The following GSTT4 variants were observed in gnomAD, a reference collection of about 807,000 sequenced individuals.
GSTT4 encodes glutathione S-transferase theta 4.
the GSTT4 span, among the ~76,000 whole-genome samples, chr22:23,991,925 C>A: frequency 5.5e-5 from 8 of 145,176 alleles, no homozygotes; most frequent in African/African-American, 1.5e-4. Flanking sequence ...GGGTGGCGGG[C>A]GCCTGTAGTC....
At chr22:23,997,204 C>A (rs1303092327), downstream of GSTT4, among the ~76,000 whole-genome samples, 3 of 151,838 alleles carry the variant, frequency 2.0e-5, no homozygotes, top group Admixed American at 6.6e-5. Flanking sequence ...GTTTCCATTT[C>A]ATTTTTTCAT....
chr22:23,999,001 C>T (rs1176542607), intron 4 of GSTT4, among the ~76,000 whole-genome samples: 1 of 152,250 alleles, frequency 6.6e-6, no homozygotes, highest in Non-Finnish European at 1.5e-5. Context: ...CTGGCCCAGG[C>T]ACTTCCCACT....
the GSTT4 span, among the ~76,000 whole-genome samples, chr22:23,990,472 A>G: frequency 1.2e-5 from 1 of 84,450 alleles, no homozygotes; most frequent in Non-Finnish European, 2.8e-5. Flanking sequence ...AAAAAAAAAA[A>G]GTAGCTGGGC....
chr22:24,003,140 C>CTTTTTTTTTTT (rs1032425765), intron 2 of GSTT4, among the ~76,000 whole-genome samples: 1 of 140,290 alleles, frequency 7.1e-6, no homozygotes. Flanking sequence ...CAGCCTGTTG[C>CTTTTTTTTTTT]TTTTTTTTTG....
chr22:23,998,966 C>T (rs544920344), intron 4 of GSTT4, among the ~76,000 whole-genome samples: 4 of 152,366 alleles, frequency 2.6e-5, no homozygotes, highest in South Asian at 2.1e-4. Flanking sequence ...TGCTCCAAGC[C>T]TTCTGAACCA....
downstream of GSTT4, among the ~76,000 whole-genome samples, chr22:23,995,073 C>CG (rs1362844634): frequency 6.6e-6 from 1 of 152,138 alleles, no homozygotes; most frequent in Non-Finnish European, 1.5e-5. Context: ...CAGACAGCTT[C>CG]CTCCATGATG....
chr22:23,999,538 G>A (rs2034180994), intron 4 of GSTT4, among the ~76,000 whole-genome samples: 1 of 112,686 alleles, frequency 8.9e-6, no homozygotes, highest in Non-Finnish European at 1.8e-5. Flanking sequence ...TGAGACCCTG[G>A]CCAGTGTCTT....
At chr22:23,990,618 A>T in the GSTT4 span, among the ~76,000 whole-genome samples, 1 of 69,092 alleles carries the variant, frequency 1.4e-5, no homozygotes, top group Non-Finnish European at 3.1e-5. Flanking sequence ...AGATTGAGAC[A>T]CTGTAATAAA....
chr22:24,001,582 A>T (rs1045247175), intron 2 of GSTT4, among the ~76,000 whole-genome samples: 84 of 152,246 alleles, frequency 5.5e-4, no homozygotes, highest in Admixed American at 2.6e-4. Flanking sequence ...CACGTGTTGA[A>T]TTGGGATGCT....
At chr22:23,995,132 T>G (rs28367908), downstream of GSTT4, among the ~76,000 whole-genome samples, 37,602 of 151,448 alleles carry the variant, frequency 0.25, 5,875 homozygotes, top group African/African-American at 0.48. Context: ...GTTTTTTTTT[T>G]GTTTGTTTGT....
chr22:23,992,782 C>CTTTTTTTTTTTTTTT, the GSTT4 span, among the ~76,000 whole-genome samples: 5 of 145,238 alleles, frequency 3.4e-5, no homozygotes, highest in Admixed American at 6.8e-5. Flanking sequence ...CTCTACTATT[C>CTTTTTTTTTTTTTTT]TTTTTTTTTT....
chr22:24,001,811 C>A (rs1296172683), intron 2 of GSTT4, among the ~76,000 whole-genome samples: 4 of 152,250 alleles, frequency 2.6e-5, no homozygotes, highest in Admixed American at 1.3e-4. Context: ...CATGGTGAAA[C>A]CCTGTCTCTA....
chr22:23,990,020 C>T, the GSTT4 span, among the ~76,000 whole-genome samples: 1 of 150,314 alleles, frequency 6.7e-6, no homozygotes, highest in African/African-American at 2.4e-5. Flanking sequence ...TGAGCAGGGT[C>T]CTCCCTCTGG....
At chr22:24,001,942 G>A (rs1311168826) in intron 2 of GSTT4, among the ~76,000 whole-genome samples, 1 of 152,280 alleles carries the variant, frequency 6.6e-6, no homozygotes, top group Non-Finnish European at 1.5e-5. Context: ...AGTGAGCCAA[G>A]ATTGTGCCAC....
chr22:23,998,548 G>A lies in GSTT4; in HGVS notation c.720C>T (p.Ser240=). 1.4e-5 allele frequency: 2 copies of A among 143,184 alleles called. No individual in the cohort carries two copies. The highest frequency in any genetic ancestry group is 5.2e-5 in the African/African-American group (2 of 38,232). 8.9% of individuals were successfully genotyped at this position (143,184 alleles called of 1,614,324 possible). ...GGACAGGCTGCGCCTAGGGTCACCT[G>A]CTCTTCTTCAGCAACTCAGAAATAT... ...KENISELLKK[S]R Residue 240 remains serine (S), a synonymous_variant, in exon 5 of 5, where the codon AGC becomes AGT. Coordinates refer to ENST00000621179, the MANE Select transcript of GSTT4 (RefSeq NM_001358664.2).
chr22:23,999,033 T>G lies in GSTT4; in HGVS notation c.529-294A>C, dbSNP rs139954334. On this transcript the variant is annotated intron_variant, in intron 4 of 4. Transcript: ENST00000621179. ...CACTTCTCCAGCCTGCGACCTCGCATGAATCCTGCCTTCTTCCAGGGAGAC... is the reference window on the plus strand; with the variant it reads ...CACTTCTCCAGCCTGCGACCTCGCAGGAATCCTGCCTTCTTCCAGGGAGAC... Among the ~76,000 whole-genome samples, 941 of 152,344 alleles carry G rather than the reference T, an allele frequency of 6.2e-3. 14 individuals are homozygous for G. The highest frequency in any genetic ancestry group is 0.022 in the African/African-American group (909 of 41,564).
At chr22:23,997,165 A>G (rs2034124221), downstream of GSTT4, among the ~76,000 whole-genome samples, 1 of 151,916 alleles carries the variant, frequency 6.6e-6, no homozygotes, top group African/African-American at 2.4e-5. Flanking sequence ...TCTATGACCA[A>G]TGTGATGTCT....
rs1779614675 is a variant in GSTT4 at position 23,998,419 on chromosome 22, T to C, written c.*123A>G. On this transcript the variant is annotated 3_prime_UTR_variant, in exon 5 of 5. Transcript: ENST00000621179. Reference sequence around the variant, plus strand: ...GCAGCTGTGATGGTTGTTCCAGTTCTTTATTAGGCAAAGAACAGTTGTTTT... The same window carrying C: ...GCAGCTGTGATGGTTGTTCCAGTTCCTTATTAGGCAAAGAACAGTTGTTTT... 6.5e-6 allele frequency: 1 copy of C among 153,438 alleles called. No homozygotes were observed. The highest frequency in any genetic ancestry group is 2.4e-5 in the African/African-American group (1 of 41,358). The allele number at this position is 153,438 out of a possible 1,614,324, so 9.5% of individuals were successfully genotyped here.
chr22:23,992,072 A>C, the GSTT4 span, among the ~76,000 whole-genome samples: 1 of 147,972 alleles, frequency 6.8e-6, no homozygotes, highest in South Asian at 2.2e-4. Context: ...AAAAAAAAAA[A>C]AGGAAGAGGA....
Sources: allele counts gnomAD v4.1 joint callset (sites outside exome capture counted in the v4.1 genomes callset), GRCh38; gene constraint gnomAD v4.1.1; transcripts MANE v1.5; gene names NCBI Gene and HGNC (gene_info 2026-07-23, HGNC 2026-07-21).